ADAM9: variants seen among roughly 807,000 people sequenced by gnomAD.
The protein encoded by ADAM9 is ADAM metallopeptidase domain 9, also known as disintegrin and metalloproteinase domain-containing protein 9.
A neutral mutation model predicts 108.1 loss-of-function variants in ADAM9; 54 were observed. The observed-to-expected ratio is 0.50, with a 90% CI of 0.40 to 0.63. ADAM9 has a LOEUF of 0.63. ADAM9 is among the 20% of genes least tolerant of loss of function. The pLI, the probability that ADAM9 is intolerant of heterozygous loss-of-function variation, is 0.00. For synonymous variants in ADAM9, 316 were observed against 336.0 expected, an observed-to-expected ratio of 0.94 and a Z score of 0.65; for missense variants, 830 against 997.7, an observed-to-expected ratio of 0.83 and a Z score of 2.26.
At chr8:39,024,646 A>T (rs79168422) in intron 9 of ADAM9, among the ~76,000 whole-genome samples, 5,745 of 152,230 alleles carry the variant, frequency 0.038, 132 homozygotes, top group Middle Eastern at 0.068. Flanking sequence ...GGATTTATCC[A>T]TTCATTTAAA....
intron 14 of ADAM9, among the ~76,000 whole-genome samples, chr8:39,064,427 A>G (rs1000396635): frequency 5.3e-5 from 8 of 152,138 alleles, no homozygotes; most frequent in Non-Finnish European, 1.2e-4. Flanking sequence ...TATTATATAT[A>G]TGTTTATTCA....
At chr8:39,100,037 G>A (rs1161339055) in intron 20 of ADAM9, among the ~76,000 whole-genome samples, 1 of 151,720 alleles carries the variant, frequency 6.6e-6, no homozygotes, top group African/African-American at 2.4e-5. Flanking sequence ...GCGCCATCAT[G>A]CCCGGGTGAT....
chr8:39,006,929 AC>A (rs1836182457), intron 1 of ADAM9, among the ~76,000 whole-genome samples: 1 of 152,198 alleles, frequency 6.6e-6, no homozygotes, highest in Non-Finnish European at 1.5e-5. Context: ...GTCAGAGTTA[AC>A]CCATCAGATA....
chr8:39,048,448 A>G (rs1013147291), intron 12 of ADAM9, among the ~76,000 whole-genome samples: 1 of 152,120 alleles, frequency 6.6e-6, no homozygotes, highest in African/African-American at 2.4e-5. Context: ...TATATTTGGT[A>G]TGATTTCAGT....
intron 14 of ADAM9, among the ~76,000 whole-genome samples, chr8:39,067,073 A>G (rs1019489101): frequency 2.3e-4 from 35 of 152,010 alleles, no homozygotes; most frequent in Non-Finnish European, 7.4e-5. Flanking sequence ...GATGTGTGGT[A>G]TTATTTCTGA....
At chr8:39,077,113 C>A in intron 15 of ADAM9, 115 bp from the exon 16 acceptor site, 1 of 1,143,850 alleles carries the variant, frequency 8.7e-7, no homozygotes, top group Non-Finnish European at 1.3e-6. Flanking sequence ...TACACTTTCT[C>A]TGTTGAGATT....
At chr8:39,056,021 AG>A (rs984805093) in intron 14 of ADAM9, among the ~76,000 whole-genome samples, 11 of 152,060 alleles carry the variant, frequency 7.2e-5, no homozygotes, top group Non-Finnish European at 1.3e-4. Flanking sequence ...ATACATATAT[AG>A]TATCTAGTTT....
chr8:39,041,877 G>A (rs1837464826), intron 11 of ADAM9, 69 bp from the exon 12 acceptor site: 3 of 1,460,948 alleles, frequency 2.1e-6, no homozygotes, highest in African/African-American at 1.4e-5. Flanking sequence ...GTGGGTTAAA[G>A]TCATGACTTA....
In ADAM9 at chr8:39,011,643, C is replaced by T. The variant is rs1194862598; in HGVS notation, c.196-15C>T. The T allele has an allele frequency of 6.2e-7, 1 of 1,603,716 alleles. No individual in the cohort carries two copies. The highest frequency in any genetic ancestry group is 8.5e-7 in the Non-Finnish European group (1 of 1,171,038). ...TAAGATGATGTTTTATTCTTTTCCC[C>T]TTCTGTGCATTTAGGTATCTTATGT... is the stretch of plus-strand genomic sequence containing the variant. On this transcript the variant is annotated splice_polypyrimidine_tract_variant and intron_variant, in intron 2 of 21. Transcript: ENST00000487273.
At chr8:39,045,927 T>A (rs7824000) in intron 12 of ADAM9, among the ~76,000 whole-genome samples, 2,231 of 152,158 alleles carry the variant, frequency 0.015, 50 homozygotes, top group African/African-American at 0.051. Context: ...TATTGTAAGA[T>A]GATATCTCAT....
intron 3 of ADAM9, among the ~76,000 whole-genome samples, chr8:39,012,050 G>A (rs1267349348): frequency 6.6e-6 from 1 of 152,174 alleles, no homozygotes; most frequent in East Asian, 1.9e-4. Context: ...GGTTCCACAG[G>A]CTACTTCTAT....
intron 16 of ADAM9, among the ~76,000 whole-genome samples, chr8:39,080,116 GGT>G (rs145477398): frequency 2.7e-5 from 4 of 150,602 alleles, no homozygotes; most frequent in Admixed American, 1.3e-4. Context: ...TTGTGTGTGG[GGT>G]GTGTGTGTGT....
intron 11 of ADAM9, among the ~76,000 whole-genome samples, chr8:39,036,449 A>T (rs1306622047): frequency 6.6e-6 from 1 of 152,166 alleles, no homozygotes; most frequent in Non-Finnish European, 1.5e-5. Flanking sequence ...GACTCAAATA[A>T]ATATGTTTTG....
chr8:39,008,018 A>C (rs1836220201), intron 2 of ADAM9, 35 bp downstream of exon 2: 3 of 1,491,584 alleles, frequency 2.0e-6, no homozygotes, highest in Non-Finnish European at 1.9e-6. Flanking sequence ...ATATGTGGTT[A>C]ATTTTTTTCT....
At position 39,026,710 on chromosome 8, in the gene ADAM9, A is replaced by G; in HGVS notation, c.1030A>G (p.Ile344Val). 2 of 1,614,198 alleles carry G rather than the reference A, an allele frequency of 1.2e-6. No individual in the cohort carries two copies. Among genetic ancestry groups the G allele is most frequent in the Non-Finnish European group, 1.7e-6 (2 of 1,180,030 alleles). ...AATCACTGTGGAGACATTTGCTTCC[A>G]TTGTTGCTCATGAATTGGGTCATAA... ...GQITVETFAS[I>V]VAHELGHNLG... Residue 344 changes from isoleucine (I) to valine (V), a missense_variant, in exon 11 of 22, where the codon ATT becomes GTT. Ile to Val is a conservative substitution (Grantham distance 29). Coordinates refer to ENST00000487273, the MANE Select transcript of ADAM9 (RefSeq NM_003816.3).
intron 1 of ADAM9, among the ~76,000 whole-genome samples, chr8:39,003,234 G>C (rs1836058569): frequency 6.6e-6 from 1 of 152,040 alleles, no homozygotes; most frequent in Non-Finnish European, 1.5e-5. Context: ...TTGGCAGTCT[G>C]GGTAAAAAAT....
rs747513455 is a variant in ADAM9 at position 39,014,028 on chromosome 8, C to G, written c.318C>G (p.Asp106Glu). ...TYNKEGTLIT[D>E]HPNIQNHCHY... ...ACAAGGAAGGGACTTTAATCACTGACCATCCCAATATACAGGTAATGTATT... is the reference window on the plus strand; with the variant it reads ...ACAAGGAAGGGACTTTAATCACTGAGCATCCCAATATACAGGTAATGTATT... The change falls in exon 4 of 22, where the codon GAC becomes GAG. Residue 106 changes from aspartate (D) to glutamate (E), a missense_variant. By Grantham distance (45) the Asp-to-Glu change is conservative (BLOSUM62 2). This residue lies in a region of ADAM9 where 211 missense variants were observed against 222.2 expected (regional missense o/e 0.95). Transcript: ENST00000487273. The G allele has an allele frequency of 6.2e-7, 1 of 1,612,526 alleles. No individual in the cohort carries two copies. The highest frequency in any genetic ancestry group is 1.7e-5 in the Admixed American group (1 of 59,976).
At chr8:39,051,916 CAT>C (rs1189791649) in intron 12 of ADAM9, among the ~76,000 whole-genome samples, 1 of 152,038 alleles carries the variant, frequency 6.6e-6, no homozygotes, top group Non-Finnish European at 1.5e-5. Flanking sequence ...GTACACACCT[CAT>C]GTGTATATAT....
chr8:39,073,132 G>C (rs1838749994), intron 15 of ADAM9, among the ~76,000 whole-genome samples: 1 of 152,178 alleles, frequency 6.6e-6, no homozygotes, highest in African/African-American at 2.4e-5. Flanking sequence ...ATAATTGAAA[G>C]AAAAAGTATA....
Sources: gnomAD v4.1 joint callset for allele counts (sites outside exome capture counted in the v4.1 genomes callset) on GRCh38, gnomAD v4.1.1 for gene constraint, gnomAD v4.1.1 regional missense constraint, MANE v1.5 for transcripts, NCBI Gene and HGNC (gene_info 2026-07-23, HGNC 2026-07-21) for gene names.